The following ZNF143 variants were observed in gnomAD, a reference collection of about 807,000 sequenced individuals.
ZNF143 encodes SPH-binding factor.
A neutral mutation model predicts 74.1 loss-of-function variants in ZNF143; 49 were observed. The observed-to-expected ratio is 0.66, with a 90% CI of 0.53 to 0.84. ZNF143 has a LOEUF of 0.84. ZNF143 is among the 40% of genes least tolerant of loss of function. The pLI is 0.00. For missense variants in ZNF143, 637 were observed against 793.4 expected (o/e 0.80, Z 2.37); for synonymous variants, 304 against 282.8 (o/e 1.07, Z -0.75).
chr11:9,527,079 C>T (rs530337266), intron 15 of ZNF143, among the ~76,000 whole-genome samples: 46 of 152,212 alleles, frequency 3.0e-4, no homozygotes, highest in African/African-American at 8.9e-4. Flanking sequence ...GTGATCTGCC[C>T]GCCTCGGCCT....
chr11:9,465,204 T>A (rs1277755948), intron 1 of ZNF143, among the ~76,000 whole-genome samples: 1 of 152,208 alleles, frequency 6.6e-6, no homozygotes, highest in Non-Finnish European at 1.5e-5. Flanking sequence ...TTATTTGTTT[T>A]GAGACGGAGT....
At chr11:9,477,946 C>T (rs1041967740) in intron 5 of ZNF143, among the ~76,000 whole-genome samples, 2 of 152,218 alleles carry the variant, frequency 1.3e-5, no homozygotes, top group African/African-American at 4.8e-5. Flanking sequence ...CTGCCTCAGC[C>T]TCCCCAGTAG....
Position 9,461,015 on chromosome 11 carries a change from GC to G in ZNF143, c.-68del. On this transcript the variant is annotated 5_prime_UTR_variant, in exon 1 of 16. Transcript: ENST00000396602. ...GGTTGCGGGGCCTGGGGGCCGGACG[GC>G]TGTTTCCTGTCCTGGTGCATGGTGG... 1.2e-5 allele frequency: 12 copies of G among 986,140 alleles called. No homozygotes were observed. Among genetic ancestry groups the G allele is most frequent in the Non-Finnish European group, 1.4e-5 (12 of 830,176 alleles). The allele number at this position is 986,140 out of a possible 1,614,324, so 61.1% of individuals were successfully genotyped here. A position where few individuals can be genotyped will look rare whatever the true frequency, so the allele number is the denominator to read the frequency against.
intron 13 of ZNF143, among the ~76,000 whole-genome samples, chr11:9,514,248 C>G (rs780598842): frequency 6.6e-5 from 10 of 152,180 alleles, no homozygotes; most frequent in Non-Finnish European, 1.2e-4. Flanking sequence ...TGGCTCCTCT[C>G]CGACCATACA....
intron 14 of ZNF143, among the ~76,000 whole-genome samples, chr11:9,522,549 A>G (rs189834011): frequency 6.6e-6 from 1 of 152,276 alleles, no homozygotes; most frequent in Admixed American, 6.5e-5. Flanking sequence ...GCCGGAGTGC[A>G]ATGGCACGCT....
chr11:9,464,080 GTGTGTT>G (rs199985954), intron 1 of ZNF143, among the ~76,000 whole-genome samples: 2,149 of 133,586 alleles, frequency 0.016, 37 homozygotes, highest in East Asian at 0.083. Context: ...TGTCGTGTGT[GTGTGTT>G]TGTGTGTGTG....
At chr11:9,514,967 A>G (rs1848672262) in intron 13 of ZNF143, among the ~76,000 whole-genome samples, 1 of 152,174 alleles carries the variant, frequency 6.6e-6, no homozygotes. Flanking sequence ...CATCTCTACT[A>G]AAAATACAAA....
At chr11:9,463,592 T>G (rs2133806947) in intron 1 of ZNF143, among the ~76,000 whole-genome samples, 1 of 152,364 alleles carries the variant, frequency 6.6e-6, no homozygotes, top group African/African-American at 2.4e-5. Context: ...AATGTCTGTT[T>G]GAATTCTTTA....
intron 14 of ZNF143, among the ~76,000 whole-genome samples, chr11:9,522,338 G>C (rs1460794222): frequency 2.0e-5 from 3 of 151,590 alleles, no homozygotes; most frequent in African/African-American, 4.8e-5. Context: ...GGATCCCTCA[G>C]CCTCAGCCTC....
chr11:9,524,027 G>A lies in ZNF143; in HGVS notation c.1687-1213G>A, dbSNP rs576448001. 3.9e-4 allele frequency among the ~76,000 whole-genome samples: 54 copies of A among 138,480 alleles called. 1 individual carries two copies. Among genetic ancestry groups the A allele is most frequent in the East Asian group, 2.4e-3 (11 of 4,644 alleles). 90.8% of individuals were successfully genotyped at this position (138,480 alleles called of 152,430 possible). A position where few individuals can be genotyped will look rare whatever the true frequency, so the allele number is the denominator to read the frequency against. On this transcript the variant is annotated intron_variant, in intron 14 of 15. Coordinates refer to ENST00000396602, the MANE Select transcript of ZNF143 (RefSeq NM_003442.6). ...CAAGCCATTGCATTCCAGCTTGGGC[G>A]ACAGAGCGAGACTACCTCAAAAAAA...
intron 7 of ZNF143, among the ~76,000 whole-genome samples, chr11:9,488,404 A>G (rs530384211): frequency 2.0e-5 from 3 of 152,290 alleles, no homozygotes; most frequent in Admixed American, 6.5e-5. Flanking sequence ...TTGGTCCTAC[A>G]CTTTCATTTT....
At chr11:9,473,253 T>C (rs1856689286) in intron 3 of ZNF143, among the ~76,000 whole-genome samples, 1 of 151,952 alleles carries the variant, frequency 6.6e-6, no homozygotes, top group Admixed American at 6.6e-5. Flanking sequence ...TAGCTGGGCA[T>C]GGTGGCGCAT....
chr11:9,474,931 A>G (rs1856789551), intron 5 of ZNF143, among the ~76,000 whole-genome samples: 1 of 152,332 alleles, frequency 6.6e-6, no homozygotes, highest in Non-Finnish European at 1.5e-5. Flanking sequence ...CTCTGTTGCC[A>G]GGCTGGATTG....
chr11:9,501,540 A>G (rs1196830021), intron 11 of ZNF143, among the ~76,000 whole-genome samples: 2 of 152,234 alleles, frequency 1.3e-5, no homozygotes, highest in Admixed American at 1.3e-4. Flanking sequence ...GTAGACATAC[A>G]GTTGCTGCAG....
At chr11:9,489,971 A>C (rs1847707858) in intron 7 of ZNF143, among the ~76,000 whole-genome samples, 1 of 152,166 alleles carries the variant, frequency 6.6e-6, no homozygotes, top group African/African-American at 2.4e-5. Context: ...GCTTGAGGCC[A>C]GGAATTCAAG....
chr11:9,475,100 A>G (rs1856798908), intron 5 of ZNF143, among the ~76,000 whole-genome samples: 1 of 152,110 alleles, frequency 6.6e-6, no homozygotes, highest in South Asian at 2.1e-4. Flanking sequence ...TTGCCAGGCT[A>G]ATCTCAAACT....
At chr11:9,506,842 A>G (rs917266007) in intron 11 of ZNF143, among the ~76,000 whole-genome samples, 1 of 152,122 alleles carries the variant, frequency 6.6e-6, no homozygotes, top group African/African-American at 2.4e-5. Flanking sequence ...AAGGCTCGTC[A>G]GATGACCCAG....
At chr11:9,463,072 G>T (rs1855969121) in intron 1 of ZNF143, among the ~76,000 whole-genome samples, 1 of 152,146 alleles carries the variant, frequency 6.6e-6, no homozygotes, top group African/African-American at 2.4e-5. Flanking sequence ...CACAAAGTAT[G>T]TAGCCTTGTC....
intron 1 of ZNF143, among the ~76,000 whole-genome samples, chr11:9,462,956 G>A (rs1855961312): frequency 6.6e-6 from 1 of 152,072 alleles, no homozygotes; most frequent in Non-Finnish European, 1.5e-5. Flanking sequence ...ACCCCCAAAA[G>A]AAACTATACC....
Sources: gnomAD v4.1 joint callset for allele counts (sites outside exome capture counted in the v4.1 genomes callset) on GRCh38, gnomAD v4.1.1 for gene constraint, MANE v1.5 for transcripts, NCBI Gene and HGNC (gene_info 2026-07-23, HGNC 2026-07-21) for gene names.